The following GPHN variants were observed in gnomAD, a reference collection of about 807,000 sequenced individuals.
The protein encoded by GPHN is gephyrin.
A neutral mutation model predicts 95.5 loss-of-function variants in GPHN; 17 were observed. That is an observed-to-expected ratio of 0.18 (90% confidence interval 0.12 to 0.27). GPHN has a LOEUF of 0.27. Ranked by LOEUF, GPHN falls within the 10% of genes least tolerant of loss-of-function variation. The pLI is 1.00. For missense variants in GPHN, 660 were observed against 978.1 expected, an observed-to-expected ratio of 0.67 and a Z score of 4.34; for synonymous variants, 320 against 322.5, an observed-to-expected ratio of 0.99 and a Z score of 0.08.
the GPHN span, among the ~76,000 whole-genome samples, chr14:67,306,700 C>G: frequency 6.6e-6 from 1 of 152,128 alleles, no homozygotes; most frequent in East Asian, 1.9e-4. Context: ...GAATAACTCT[C>G]AATTGCAATA....
the GPHN span, among the ~76,000 whole-genome samples, chr14:67,681,714 G>A: frequency 5.9e-5 from 9 of 152,038 alleles, no homozygotes; most frequent in South Asian, 4.2e-4. Context: ...CCCAGGAGGC[G>A]GAGGTTGCAG....
chr14:67,443,671 G>T, the GPHN span, among the ~76,000 whole-genome samples: 8 of 152,188 alleles, frequency 5.3e-5, no homozygotes, highest in African/African-American at 1.7e-4. Flanking sequence ...AGGAGGCTGA[G>T]ATGGGAGGAT....
intron 1 of GPHN, among the ~76,000 whole-genome samples, chr14:66,556,224 A>G (rs531891533): frequency 5.2e-4 from 79 of 152,292 alleles, no homozygotes; most frequent in African/African-American, 1.7e-3. Context: ...CTGTATATGA[A>G]TATTATTCAA....
At chr14:67,724,722 A>G in the GPHN span, 1 of 751,108 alleles carries the variant, frequency 1.3e-6, no homozygotes. Flanking sequence ...GGAACCTGGG[A>G]TTCAAGTCCA....
At chr14:67,391,657 C>T in the GPHN span, among the ~76,000 whole-genome samples, 4 of 152,274 alleles carry the variant, frequency 2.6e-5, no homozygotes, top group Admixed American at 6.5e-5. Flanking sequence ...TGCACAAACA[C>T]GAAGGCTGTG....
At chr14:67,009,566 A>C (rs1427173720) in intron 9 of GPHN, among the ~76,000 whole-genome samples, 1 of 152,054 alleles carries the variant, frequency 6.6e-6, no homozygotes, top group African/African-American at 2.4e-5. Flanking sequence ...TAGACTGTAA[A>C]CTGATCCCAA....
At chr14:67,724,256 G>A in the GPHN span, among the ~76,000 whole-genome samples, 1 of 152,108 alleles carries the variant, frequency 6.6e-6, no homozygotes, top group Non-Finnish European at 1.5e-5. Context: ...TGTGGCTTCT[G>A]GGCAAGTGAT....
chr14:66,824,420 T>G, intron 3 of GPHN, 54 bp from the exon 4 acceptor site: 1 of 880,352 alleles, frequency 1.1e-6, no homozygotes, highest in South Asian at 1.3e-5. Flanking sequence ...CTGGGATGTT[T>G]TGAGCAAGCA....
At chr14:67,579,337 C>G in the GPHN span, 8 of 1,460,264 alleles carry the variant, frequency 5.5e-6, 1 homozygote, top group Middle Eastern at 2.4e-4. Flanking sequence ...TGCTCTTTGC[C>G]CCGAGTCTTC....
the GPHN span, among the ~76,000 whole-genome samples, chr14:67,546,195 C>T: frequency 4.6e-5 from 7 of 151,932 alleles, no homozygotes; most frequent in Admixed American, 6.6e-5. Flanking sequence ...GGGTCAACGC[C>T]GGGGGAAGGG....
chr14:67,325,897 C>T, the GPHN span, among the ~76,000 whole-genome samples: 287 of 151,846 alleles, frequency 1.9e-3, 5 homozygotes, highest in East Asian at 0.028. Flanking sequence ...CAACCTCCGC[C>T]TCCTGGGTTC....
chr14:66,729,036 C>G (rs985509010), intron 2 of GPHN, among the ~76,000 whole-genome samples: 2 of 152,112 alleles, frequency 1.3e-5, no homozygotes, highest in African/African-American at 4.8e-5. Context: ...GTGAATAAGT[C>G]TCAGCTGATC....
chr14:66,790,013 C>G (rs139357320), intron 3 of GPHN, among the ~76,000 whole-genome samples: 224 of 152,286 alleles, frequency 1.5e-3, no homozygotes, highest in African/African-American at 5.2e-3. Flanking sequence ...TGTCTACTTT[C>G]AATTCCTGGG....
At chr14:67,483,387 C>T in the GPHN span, among the ~76,000 whole-genome samples, 1 of 152,202 alleles carries the variant, frequency 6.6e-6, no homozygotes, top group Non-Finnish European at 1.5e-5. Context: ...GTCTTTGCTC[C>T]TAATCAGCAC....
At chr14:66,554,670 A>G (rs2059940884) in intron 1 of GPHN, among the ~76,000 whole-genome samples, 1 of 152,188 alleles carries the variant, frequency 6.6e-6, no homozygotes, top group Non-Finnish European at 1.5e-5. Flanking sequence ...GGGGATTACA[A>G]TTCAAGATGA....
rs1566935366 is a variant in GPHN at position 66,778,146 on chromosome 14, G to A, written c.201+1625G>A. ...CAAAGTCTCAGGATACAAAATCAAT[G>A]TACAAAAATCACAAGCATTCTTATA... On this transcript the variant is annotated intron_variant, in intron 3 of 22. Coordinates refer to ENST00000478722, the MANE Select transcript of GPHN (RefSeq NM_020806.5). Among the ~76,000 whole-genome samples, 7 of 152,182 alleles carry A rather than the reference G, an allele frequency of 4.6e-5. 1 individual carries two copies. In the South Asian group the frequency reaches 8.3e-4, roughly 18 times the overall value.
intron 2 of GPHN, among the ~76,000 whole-genome samples, chr14:66,715,830 G>A (rs537886504): frequency 4.6e-5 from 7 of 152,236 alleles, no homozygotes; most frequent in African/African-American, 1.7e-4. Flanking sequence ...TTATTCTGCT[G>A]TGGTCTGAGA....
rs910407173 is a variant in GPHN at position 66,508,386 on chromosome 14, C to T, written c.-142C>T. The T allele has an allele frequency of 1.9e-5, 15 of 793,234 alleles. No homozygotes were observed. Among genetic ancestry groups the T allele is most frequent in the Non-Finnish European group, 3.1e-5 (14 of 449,100 alleles). 49.1% of individuals were successfully genotyped at this position (793,234 alleles called of 1,614,324 possible). ...ACGCAGGCCACCGTGCACTCTGTGG[C>T]CTCCCCCTCCTTCCCCGCTCTCCTC... On this transcript the variant is annotated 5_prime_UTR_variant, in exon 1 of 23. Transcript: ENST00000478722.
At chr14:67,335,222 T>A in the GPHN span, 1 of 152,206 alleles carries the variant, frequency 6.6e-6, no homozygotes, top group Non-Finnish European at 1.5e-5. Flanking sequence ...ATCCTAGTGA[T>A]GAGGATGTGC....
Sources: gnomAD v4.1 joint callset for allele counts (sites outside exome capture counted in the v4.1 genomes callset) on GRCh38, gnomAD v4.1.1 for gene constraint, MANE v1.5 for transcripts, NCBI Gene and HGNC (gene_info 2026-07-23, HGNC 2026-07-21) for gene names.